LRBA: variants seen among roughly 807,000 people sequenced by gnomAD.
The protein encoded by LRBA is lipopolysaccharide-responsive and beige-like anchor protein.
LRBA carries 176 observed loss-of-function variants against 330.0 expected under a neutral mutation model. The observed-to-expected ratio is 0.53, with a 90% CI of 0.47 to 0.60. The LOEUF is 0.60. Ranked by LOEUF, LRBA falls within the 20% of genes least tolerant of loss-of-function variation. The pLI, the probability that LRBA is intolerant of heterozygous loss-of-function variation, is 0.00. For missense variants in LRBA, 3,259 were observed against 3,444.8 expected, an observed-to-expected ratio of 0.95 and a Z score of 1.35; for synonymous variants, 1,230 against 1,193.0, an observed-to-expected ratio of 1.03 and a Z score of -0.64.
At chr4:150,560,911 A>G (rs544287304) in intron 40 of LRBA, among the ~76,000 whole-genome samples, 1 of 152,160 alleles carries the variant, frequency 6.6e-6, no homozygotes, top group Admixed American at 6.6e-5. Context: ...ACTTGAACCC[A>G]GAAGTGGAGG....
chr4:150,296,860 G>T (rs1016122463), intron 53 of LRBA, among the ~76,000 whole-genome samples: 3 of 152,110 alleles, frequency 2.0e-5, no homozygotes, highest in Non-Finnish European at 4.4e-5. Flanking sequence ...CTTTAATTAA[G>T]TGTATCCTTG....
At chr4:150,375,470 T>C (rs114139828) in intron 47 of LRBA, among the ~76,000 whole-genome samples, 251 of 152,114 alleles carry the variant, frequency 1.7e-3, no homozygotes, top group African/African-American at 5.7e-3. Flanking sequence ...ACTTTTTTTT[T>C]GTTTTGAGAT....
chr4:150,601,627 T>C (rs1006556027), intron 37 of LRBA, among the ~76,000 whole-genome samples: 1 of 152,118 alleles, frequency 6.6e-6, no homozygotes, highest in Non-Finnish European at 1.5e-5. Flanking sequence ...AAATGAAAGT[T>C]GTTTCATTTC....
chr4:150,500,560 A>C (rs142459569), intron 40 of LRBA, among the ~76,000 whole-genome samples: 2,447 of 152,222 alleles, frequency 0.016, 69 homozygotes, highest in African/African-American at 0.054. Flanking sequence ...CCTGGGCAGC[A>C]AGAGCGAGAC....
In LRBA at chr4:150,496,331, T is replaced by G. The variant is rs187312718; in HGVS notation, c.6331-5296A>C. Among the ~76,000 whole-genome samples, 56 of 152,232 alleles carry G rather than the reference T, an allele frequency of 3.7e-4. No individual in the cohort carries two copies. The East Asian group carries it at 8.3e-3, about 23-fold the overall frequency. On this transcript the variant is annotated intron_variant, in intron 40 of 56. Transcript: ENST00000651943. Reference sequence around the variant, plus strand: ...TTATAAGTTTATCCAAATAAAACTCTTTTTTGTTTTCTTGTCCTCATGAAA... The same window carrying G: ...TTATAAGTTTATCCAAATAAAACTCGTTTTTGTTTTCTTGTCCTCATGAAA...
At chr4:150,913,640 T>C (rs2149485733) in intron 9 of LRBA, among the ~76,000 whole-genome samples, 1 of 152,394 alleles carries the variant, frequency 6.6e-6, no homozygotes, top group South Asian at 2.1e-4. Context: ...TGAAGTGTCC[T>C]ACTATAATGG....
In LRBA at chr4:150,474,557, T is replaced by C. The variant is rs746722118; in HGVS notation, c.6552-2818A>G. Among the ~76,000 whole-genome samples, 4 of 152,186 alleles carry C rather than the reference T, an allele frequency of 2.6e-5. No individual in the cohort carries two copies. The East Asian group carries it at 7.7e-4, about 29-fold the overall frequency. On this transcript the variant is annotated intron_variant, in intron 42 of 56. Transcript: ENST00000651943. Reference sequence around the variant, plus strand: ...GTCTATCAGGAATTGATAGGGATTATACAGAATTTACAGATCTAGGGAAAA... The same window carrying C: ...GTCTATCAGGAATTGATAGGGATTACACAGAATTTACAGATCTAGGGAAAA...
chr4:150,792,305 CAGTA>C (rs1381377720), intron 34 of LRBA, among the ~76,000 whole-genome samples: 1 of 151,510 alleles, frequency 6.6e-6, no homozygotes, highest in Non-Finnish European at 1.5e-5. Flanking sequence ...TTAAGTTCAG[CAGTA>C]AGTAAAACTA....
intron 22 of LRBA, among the ~76,000 whole-genome samples, chr4:150,861,693 T>G (rs1245931172): frequency 1.3e-5 from 2 of 152,230 alleles, no homozygotes; most frequent in Non-Finnish European, 2.9e-5. Context: ...CTACTTTTCT[T>G]TGTTCAATAA....
intron 35 of LRBA, among the ~76,000 whole-genome samples, chr4:150,745,901 A>G (rs764450931): frequency 6.6e-6 from 1 of 152,124 alleles, no homozygotes; most frequent in African/African-American, 2.4e-5. Context: ...TTACTGACAT[A>G]TACACTTAGA....
intron 40 of LRBA, among the ~76,000 whole-genome samples, chr4:150,569,893 A>T (rs1272642297): frequency 6.6e-6 from 1 of 152,106 alleles, no homozygotes; most frequent in African/African-American, 2.4e-5. Flanking sequence ...CACTTATCTA[A>T]ATTGAGACTA....
In LRBA at chr4:150,618,467, T is replaced by C. The variant is rs72736352; in HGVS notation, c.5922-19336A>G. On this transcript the variant is annotated intron_variant, in intron 37 of 56. Transcript: ENST00000651943. ...TGAGATTCCCTCAACTTTGTTTATATTAGGAAACAGAAAAATTAAGTTATT... is the reference window on the plus strand; with the variant it reads ...TGAGATTCCCTCAACTTTGTTTATACTAGGAAACAGAAAAATTAAGTTATT... 1.6e-3 allele frequency among the ~76,000 whole-genome samples: 244 copies of C among 152,288 alleles called. 1 individual carries two copies. The highest frequency in any genetic ancestry group is 3.7e-3 in the Admixed American group (56 of 15,286).
chr4:150,952,961 T>C (rs1737013942), intron 2 of LRBA, among the ~76,000 whole-genome samples: 1 of 152,124 alleles, frequency 6.6e-6, no homozygotes, highest in Non-Finnish European at 1.5e-5. Flanking sequence ...CTCATCTCCC[T>C]CCATCAAGCC....
intron 42 of LRBA, among the ~76,000 whole-genome samples, chr4:150,486,501 A>T (rs1460170255): frequency 6.6e-6 from 1 of 151,910 alleles, no homozygotes; most frequent in African/African-American, 2.4e-5. Context: ...AAATAAAGCA[A>T]ATCTTCAGCA....
Position 150,265,754 on chromosome 4 carries a change from G to A in LRBA, c.8527C>T (p.Arg2843Trp), listed in dbSNP as rs140571055. The A allele has an allele frequency of 1.1e-4, 176 of 1,613,568 alleles. No homozygotes were observed. The highest frequency in any genetic ancestry group is 3.3e-4 in the Middle Eastern group (2 of 6,060). Residue 2843 changes from arginine (R) to tryptophan (W), a missense_variant, in exon 57 of 57, where the codon CGG becomes TGG. Coordinates refer to ENST00000651943, the MANE Select transcript of LRBA (RefSeq NM_001364905.1). Reference sequence around the variant, plus strand: ...CGGGTTTGGTATTCATGATGCCACCGGTTAAAGTCGTTGTAAAATAGCACA... The same window carrying A: ...CGGGTTTGGTATTCATGATGCCACCAGTTAAAGTCGTTGTAAAATAGCACA... Reference protein sequence around the residue: ...SIVLFYNDFNRWHHEYQTRY With the variant: ...SIVLFYNDFNWWHHEYQTRY
At chr4:150,815,059 T>C (rs1471611266) in intron 31 of LRBA, among the ~76,000 whole-genome samples, 1 of 151,964 alleles carries the variant, frequency 6.6e-6, no homozygotes, top group East Asian at 1.9e-4. Context: ...TTTCCTCTGT[T>C]CCTAAACTGA....
chr4:150,793,140 C>CA (rs1740235282), intron 34 of LRBA, among the ~76,000 whole-genome samples: 2 of 150,580 alleles, frequency 1.3e-5, no homozygotes, highest in Admixed American at 6.6e-5. Flanking sequence ...CCTATCTCAA[C>CA]AAAAAAATCA....
chr4:150,514,372 C>A (rs1762126952), intron 40 of LRBA, among the ~76,000 whole-genome samples: 1 of 151,982 alleles, frequency 6.6e-6, no homozygotes. Context: ...ACATGCCGGG[C>A]CCCTTTCATA....
intron 17 of LRBA, among the ~76,000 whole-genome samples, chr4:150,883,265 A>G (rs1038349642): frequency 6.6e-6 from 1 of 152,172 alleles, no homozygotes; most frequent in African/African-American, 2.4e-5. Flanking sequence ...GATCAAGACC[A>G]GCCTGGGCAA....
Sources: gnomAD v4.1 joint callset for allele counts (sites outside exome capture counted in the v4.1 genomes callset) on GRCh38, gnomAD v4.1.1 for gene constraint, MANE v1.5 for transcripts, NCBI Gene and HGNC (gene_info 2026-07-23, HGNC 2026-07-21) for gene names.